The following EIF4B variants were observed in gnomAD, a reference collection of about 807,000 sequenced individuals.
The protein encoded by EIF4B is eukaryotic translation initiation factor 4B.
Under a neutral mutation model 79.3 loss-of-function variants are expected in EIF4B, and 8 were observed. The ratio of observed to expected loss-of-function variants is 0.10; its 90% confidence interval spans 0.06 to 0.18. The LOEUF is 0.18. Ranked by LOEUF, EIF4B falls within the 10% of genes least tolerant of loss-of-function variation. The pLI is 1.00. For synonymous variants in EIF4B, 238 were observed against 274.7 expected, an observed-to-expected ratio of 0.87 and a Z score of 1.32; for missense variants, 515 against 792.4, an observed-to-expected ratio of 0.65 and a Z score of 4.20.
At position 53,039,670 on chromosome 12, in the gene EIF4B, G is replaced by A; in HGVS notation, c.1723G>A (p.Glu575Lys). The change falls in exon 14 of 15, where the codon GAG becomes AAG. Residue 575 changes from glutamate to lysine, a missense_variant. Coordinates refer to ENST00000262056, the MANE Select transcript of EIF4B (RefSeq NM_001417.7). Reference sequence around the variant, plus strand: ...GGATCAAGACTCCAGATCTGCACCTGAGCCAAAGAAACCTGAGGAAAATCC... The same window carrying A: ...GGATCAAGACTCCAGATCTGCACCTAAGCCAAAGAAACCTGAGGAAAATCC... ...KKDQDSRSAPEPKKPEENPAS... is the reference protein window; with the variant it reads ...KKDQDSRSAPKPKKPEENPAS... 2 of 1,613,812 alleles carry A rather than the reference G, an allele frequency of 1.2e-6. No individual in the cohort carries two copies. The highest frequency in any genetic ancestry group is 1.7e-6 in the Non-Finnish European group (2 of 1,179,826).
intron 1 of EIF4B, among the ~76,000 whole-genome samples, chr12:53,009,539 T>C (rs1943027428): frequency 1.3e-5 from 2 of 152,106 alleles, no homozygotes; most frequent in South Asian, 2.1e-4. Flanking sequence ...AAATAACATA[T>C]GTAAGCTCAT....
chr12:53,016,519 T>C lies in EIF4B; in HGVS notation c.60T>C (p.Phe20=), dbSNP rs561252983. The stretch of plus-strand genomic sequence containing the variant: ...GGAAGACTATCTCCCTAACAGACTT[T>C]CTGGCTGAGGATGGGGGTACTGGTG... ...KKGKTISLTD[F]LAEDGGTGGG... The change falls in exon 2 of 15, where the codon TTT becomes TTC. Residue 20 remains phenylalanine, a synonymous_variant. Transcript: ENST00000262056. The C allele has an allele frequency of 1.9e-5, 31 of 1,613,362 alleles. No homozygotes were observed. The highest frequency in any genetic ancestry group is 1.6e-4 in the South Asian group (15 of 91,036).
At chr12:53,008,568 G>C (rs935386758) in intron 1 of EIF4B, 1 of 152,196 alleles carries the variant, frequency 6.6e-6, no homozygotes. Flanking sequence ...CTCTTTTACT[G>C]TTAAATGAGA....
intron 5 of EIF4B, 146 bp from the exon 6 acceptor site, chr12:53,022,347 A>C: frequency 8.7e-7 from 1 of 1,149,894 alleles, no homozygotes; most frequent in Non-Finnish European, 1.3e-6. Context: ...GAATTGGAGC[A>C]TGTACTTATG....
chr12:53,019,037 A>C, intron 3 of EIF4B, 31 bp downstream of exon 3: 1 of 1,603,010 alleles, frequency 6.2e-7, no homozygotes, highest in South Asian at 1.1e-5. Flanking sequence ...AATTAACTAG[A>C]TATTGAGGAT....
intron 9 of EIF4B, 51 bp downstream of exon 9, chr12:53,034,085 G>A (rs1943495163): frequency 6.6e-7 from 1 of 1,525,050 alleles, no homozygotes; most frequent in Non-Finnish European, 8.9e-7. Context: ...GTTCGTAATG[G>A]GGGCATTACA....
At position 53,018,835 on chromosome 12, in the gene EIF4B, T is replaced by C; in HGVS notation, c.189T>C (p.Tyr63=). The C allele has an allele frequency of 6.2e-7, 1 of 1,613,380 alleles. No homozygotes were observed. Among genetic ancestry groups the C allele is most frequent in the Non-Finnish European group, 8.5e-7 (1 of 1,179,868 alleles). The change falls in exon 3 of 15, where the codon TAT becomes TAC. Residue 63 remains tyrosine (Y), a synonymous_variant. Coordinates refer to ENST00000262056, the MANE Select transcript of EIF4B (RefSeq NM_001417.7). ...TTWHSNDDDV[Y]RAPPIDRSIL... is the part of the protein sequence containing the mutation. Reference sequence around the variant, plus strand: ...GGCACAGTAACGATGACGATGTGTATAGGGCGCCTCCAATTGACCGTTCCA... The same window carrying C: ...GGCACAGTAACGATGACGATGTGTACAGGGCGCCTCCAATTGACCGTTCCA...
At chr12:53,029,003 A>T (rs1039899099) in intron 8 of EIF4B, among the ~76,000 whole-genome samples, 2 of 151,866 alleles carry the variant, frequency 1.3e-5, no homozygotes, top group Non-Finnish European at 2.9e-5. Context: ...GCACATACCT[A>T]TCATCCCAGC....
In EIF4B at chr12:53,039,107, T is replaced by C. The variant is rs1297718236; in HGVS notation, c.1577-131T>C. On this transcript the variant is annotated intron_variant, in intron 12 of 14. Coordinates refer to ENST00000262056, the MANE Select transcript of EIF4B (RefSeq NM_001417.7). ...GGAAAGAAGGGCTTCAGGAAGGAAG[T>C]CTGGGTTGGGGTGAGGTTAGTTTCC... 5 of 613,748 alleles carry C rather than the reference T, an allele frequency of 8.1e-6. No homozygotes were observed. The South Asian group carries it at 8.4e-5, about 10-fold the overall frequency. The allele number at this position is 613,748 out of a possible 1,614,324, so 38.0% of individuals were successfully genotyped here. A position where few individuals can be genotyped will look rare whatever the true frequency, so the allele number is the denominator to read the frequency against.
chr12:53,023,162 A>G (rs1943276370), intron 6 of EIF4B, among the ~76,000 whole-genome samples: 1 of 152,198 alleles, frequency 6.6e-6, no homozygotes, highest in Non-Finnish European at 1.5e-5. Context: ...AAAGTGAGCT[A>G]TTTGAAATAA....
intron 6 of EIF4B, among the ~76,000 whole-genome samples, chr12:53,027,109 G>A (rs1943346690): frequency 1.5e-5 from 1 of 66,538 alleles, no homozygotes; most frequent in Non-Finnish European, 4.3e-5. Context: ...GGGCAGCAGA[G>A]AGAGACTGTC....
chr12:53,024,363 T>C (rs1290202341), intron 6 of EIF4B, among the ~76,000 whole-genome samples: 3 of 152,058 alleles, frequency 2.0e-5, no homozygotes, highest in Non-Finnish European at 4.4e-5. Context: ...GGGAAAAAAA[T>C]TGTGTATAAA....
chr12:53,012,598 T>C (rs1180124584), intron 1 of EIF4B, among the ~76,000 whole-genome samples: 6 of 138,700 alleles, frequency 4.3e-5, no homozygotes, highest in African/African-American at 1.7e-4. Context: ...TTTTTTTTCC[T>C]TTTTTTTTTT....
chr12:53,035,432 G>A (rs189881356), intron 10 of EIF4B, among the ~76,000 whole-genome samples: 36 of 151,344 alleles, frequency 2.4e-4, no homozygotes, highest in Admixed American at 7.2e-4. Context: ...GCAGTGGCGC[G>A]ATCTCGGCTT....
intron 6 of EIF4B, among the ~76,000 whole-genome samples, chr12:53,024,181 C>A (rs1275425090): frequency 6.6e-6 from 1 of 152,038 alleles, no homozygotes; most frequent in Non-Finnish European, 1.5e-5. Flanking sequence ...TTAACAAAGA[C>A]CTTTATGGGG....
At position 53,019,434 on chromosome 12, in the gene EIF4B, TA is replaced by T. The variant is rs58233631; in HGVS notation, c.360+429del. ...AAATAAAATCAAAATTATATATATA[TA>T]TATTTTTTTTTTTTCTTTTTTTTTT... On this transcript the variant is annotated intron_variant, in intron 3 of 14. Transcript: ENST00000262056. Among the ~76,000 whole-genome samples the T allele has an allele frequency of 8.2e-3, 710 of 86,226 alleles. 20 individuals are homozygous for T. The highest frequency in any genetic ancestry group is 9.5e-3 in the Non-Finnish European group (437 of 45,904). The allele number at this position is 86,226 out of a possible 152,430, so 56.6% of individuals were successfully genotyped here.
intron 1 of EIF4B, among the ~76,000 whole-genome samples, chr12:53,015,560 G>A (rs1419160604): frequency 1.3e-5 from 2 of 151,902 alleles, no homozygotes; most frequent in African/African-American, 4.8e-5. Context: ...GTGTGCCTCT[G>A]TGGTCCCAGC....
In EIF4B at chr12:53,041,221, G is replaced by A. The variant is rs1349462570; in HGVS notation, c.*998G>A. On this transcript the variant is annotated 3_prime_UTR_variant, in exon 15 of 15. Transcript: ENST00000262056. ...TCTTGGGCATTTTCTCAGCCATGGA[G>A]AACTCTGAAAGGAAGAATCGCTGCT... The A allele has an allele frequency of 1.3e-5, 2 of 152,222 alleles. No homozygotes were observed. The highest frequency in any genetic ancestry group is 2.9e-5 in the Non-Finnish European group (2 of 68,044). The allele number at this position is 152,222 out of a possible 1,614,324, so 9.4% of individuals were successfully genotyped here.
intron 6 of EIF4B, chr12:53,025,343 CGAGT>C (rs1943316356): frequency 4.6e-6 from 2 of 436,222 alleles, no homozygotes; most frequent in Non-Finnish European, 9.1e-6. Flanking sequence ...GAATGGATAA[CGAGT>C]GAGTGTGCTG....
Sources: gnomAD v4.1 joint callset for allele counts (sites outside exome capture counted in the v4.1 genomes callset) on GRCh38, gnomAD v4.1.1 for gene constraint, MANE v1.5 for transcripts, NCBI Gene and HGNC (gene_info 2026-07-23, HGNC 2026-07-21) for gene names.